The following PLEKHA5 variants were observed in gnomAD, a reference collection of about 807,000 sequenced individuals.
PLEKHA5 encodes the protein pleckstrin homology domain containing A5.
Under a neutral mutation model 181.9 loss-of-function variants are expected in PLEKHA5, and 55 were observed. That is an observed-to-expected ratio of 0.30 (90% CI 0.24 to 0.38). The LOEUF is 0.38. PLEKHA5 is among the 10% of genes least tolerant of loss of function. The pLI is 1.00. For synonymous variants in PLEKHA5, 535 were observed against 529.4 expected (o/e 1.01, Z -0.15); for missense variants, 1,432 against 1,549.5 (o/e 0.92, Z 1.27).
At chr12:19,272,619 C>A (rs940188310) in intron 10 of PLEKHA5, among the ~76,000 whole-genome samples, 4 of 151,964 alleles carry the variant, frequency 2.6e-5, no homozygotes, top group Middle Eastern at 3.2e-3. Flanking sequence ...TACCTATAGT[C>A]CCGGCTGCTC....
In PLEKHA5 at chr12:19,220,899, G is replaced by A. The variant is rs527598009; in HGVS notation, c.228-33041G>A. Reference sequence around the variant, plus strand: ...AAACACACAGATGGCAAATGAACATGCAAAAAAAATGCTTAACACGTTTGT... The same window carrying A: ...AAACACACAGATGGCAAATGAACATACAAAAAAAATGCTTAACACGTTTGT... On this transcript the variant is annotated intron_variant, in intron 3 of 31. Coordinates refer to ENST00000429027, the MANE Select transcript of PLEKHA5 (RefSeq NM_001256470.2). Among the ~76,000 whole-genome samples, 28 of 152,092 alleles carry A rather than the reference G, an allele frequency of 1.8e-4. No individual in the cohort carries two copies. The South Asian group carries it at 5.4e-3, about 29-fold the overall frequency.
intron 15 of PLEKHA5, chr12:19,306,355 C>A: frequency 4.4e-6 from 2 of 451,672 alleles, no homozygotes; most frequent in South Asian, 3.4e-5. Context: ...TTTTCTCGTG[C>A]TCTCCAACTA....
chr12:19,307,019 T>C, intron 15 of PLEKHA5: 3 of 1,491,654 alleles, frequency 2.0e-6, no homozygotes. Flanking sequence ...CCTACTCTTG[T>C]TCCTGCCCTT....
intron 11 of PLEKHA5, among the ~76,000 whole-genome samples, chr12:19,281,828 C>T (rs1196688076): frequency 1.3e-5 from 2 of 152,010 alleles, no homozygotes; most frequent in Non-Finnish European, 2.9e-5. Flanking sequence ...GTCGCCCAGG[C>T]TGGAGTGCAC....
At chr12:19,251,388 C>T (rs1377705357) in intron 3 of PLEKHA5, among the ~76,000 whole-genome samples, 1 of 122,254 alleles carries the variant, frequency 8.2e-6, no homozygotes, top group African/African-American at 3.2e-5. Context: ...GCCTGGGCAA[C>T]AGAGCAAAAC....
intron 31 of PLEKHA5, among the ~76,000 whole-genome samples, chr12:19,375,236 A>G (rs2095688053): frequency 6.6e-6 from 1 of 152,032 alleles, no homozygotes; most frequent in Non-Finnish European, 1.5e-5. Flanking sequence ...AGGCAGGAGA[A>G]TCGCTTGAAC....
intron 29 of PLEKHA5, among the ~76,000 whole-genome samples, chr12:19,364,102 C>G (rs2095347438): frequency 6.6e-6 from 1 of 152,160 alleles, no homozygotes; most frequent in Non-Finnish European, 1.5e-5. Context: ...AATTCCAAAA[C>G]TTGGTACATT....
intron 10 of PLEKHA5, among the ~76,000 whole-genome samples, chr12:19,271,662 CTTTAT>C (rs1309179168): frequency 1.3e-5 from 2 of 152,096 alleles, no homozygotes; most frequent in East Asian, 1.9e-4. Flanking sequence ...CATGTTTCTA[CTTTAT>C]TTTATTAAAT....
At chr12:19,231,613 A>ATTTATATATGTACACATATATATGTAT (rs1345945535) in intron 3 of PLEKHA5, among the ~76,000 whole-genome samples, 61 of 32,428 alleles carry the variant, frequency 1.9e-3, no homozygotes, top group Admixed American at 4.1e-3. Flanking sequence ...TATATATATA[A>ATTTATATATGTACACATATATATGTAT]ATACTCATAA....
chr12:19,261,346 C>G (rs1013918128), intron 7 of PLEKHA5, among the ~76,000 whole-genome samples: 4 of 152,094 alleles, frequency 2.6e-5, no homozygotes, highest in African/African-American at 7.2e-5. Flanking sequence ...TTTGTCAGAT[C>G]TAGCTTATGG....
chr12:19,358,389 C>T lies in PLEKHA5; in HGVS notation c.3300C>T (p.Pro1100=). 1 of 1,613,550 alleles carries T rather than the reference C, an allele frequency of 6.2e-7. No homozygotes were observed. Among genetic ancestry groups the T allele is most frequent in the Admixed American group, 1.7e-5 (1 of 59,926 alleles). The change falls in exon 27 of 32, where the codon CCC becomes CCT. Residue 1100 remains proline, a synonymous_variant. Transcript: ENST00000429027. Reference sequence around the variant, plus strand: ...TTATCGGTGCTTCAGACCAGTCACCCTTACAAAGCCCTTCAAATTTAAGGG... The same window carrying T: ...TTATCGGTGCTTCAGACCAGTCACCTTTACAAAGCCCTTCAAATTTAAGGG... The part of the protein sequence containing the change: ...LNVIGASDQS[P]LQSPSNLRDN...
intron 3 of PLEKHA5, among the ~76,000 whole-genome samples, chr12:19,165,979 TG>T (rs1379977071): frequency 2.0e-5 from 3 of 152,126 alleles, no homozygotes; most frequent in Non-Finnish European, 4.4e-5. Flanking sequence ...ACGAGGTTGA[TG>T]AAAAAAATGG....
intron 3 of PLEKHA5, among the ~76,000 whole-genome samples, chr12:19,214,761 G>T (rs577924219): frequency 6.6e-6 from 1 of 152,096 alleles, no homozygotes; most frequent in African/African-American, 2.4e-5. Context: ...TGAAAGAGTT[G>T]TCTGCCAGAT....
At chr12:19,133,305 A>G (rs935716852) in intron 3 of PLEKHA5, among the ~76,000 whole-genome samples, 5 of 152,000 alleles carry the variant, frequency 3.3e-5, no homozygotes, top group African/African-American at 1.2e-4. Context: ...GGAGGTCAAC[A>G]TCATGTAGGA....
intron 26 of PLEKHA5, among the ~76,000 whole-genome samples, chr12:19,354,905 C>T (rs1592611581): frequency 6.6e-6 from 1 of 152,136 alleles, no homozygotes; most frequent in South Asian, 2.1e-4. Flanking sequence ...AGAATCTATT[C>T]TCTAATCACT....
intron 11 of PLEKHA5, among the ~76,000 whole-genome samples, chr12:19,275,202 C>T (rs1418017253): frequency 6.6e-6 from 1 of 152,136 alleles, no homozygotes; most frequent in African/African-American, 2.4e-5. Flanking sequence ...AGTCATCCTT[C>T]CTGGCCAAGC....
chr12:19,327,765 C>G (rs1416837084), intron 20 of PLEKHA5, among the ~76,000 whole-genome samples: 1 of 151,898 alleles, frequency 6.6e-6, no homozygotes, highest in Non-Finnish European at 1.5e-5. Flanking sequence ...GTGCCTCAGC[C>G]TCCCAAGTAG....
At chr12:19,281,095 A>G (rs374718377) in intron 11 of PLEKHA5, among the ~76,000 whole-genome samples, 3 of 152,208 alleles carry the variant, frequency 2.0e-5, no homozygotes, top group South Asian at 2.1e-4. Context: ...AATTAGCCAC[A>G]CATGGTGGCA....
Position 19,283,761 on chromosome 12 carries a change from A to C in PLEKHA5, c.1779+16A>C. On this transcript the variant is annotated intron_variant, in intron 12 of 31. Transcript: ENST00000429027. ...TCACCCTAAGGTAAAATAGCTGCTG[A>C]TTTTGTGTTAACTCACTACCTTATA... The C allele has an allele frequency of 6.6e-7, 1 of 1,521,766 alleles. No homozygotes were observed. The highest frequency in any genetic ancestry group is 9.1e-7 in the Non-Finnish European group (1 of 1,099,326). The allele number at this position is 1,521,766 out of a possible 1,614,324, so 94.3% of individuals were successfully genotyped here. A position where few individuals can be genotyped will look rare whatever the true frequency, so the allele number is the denominator to read the frequency against.
Sources: gnomAD v4.1 joint callset for allele counts (sites outside exome capture counted in the v4.1 genomes callset) on GRCh38, gnomAD v4.1.1 for gene constraint, MANE v1.5 for transcripts, NCBI Gene and HGNC (gene_info 2026-07-23, HGNC 2026-07-21) for gene names.